The following APLP2 variants were observed in gnomAD, a reference collection of about 807,000 sequenced individuals.
APLP2 encodes CDEI box-binding protein.
A neutral mutation model predicts 89.9 loss-of-function variants in APLP2; 53 were observed. The ratio of observed to expected loss-of-function variants is 0.59; its 90% CI spans 0.47 to 0.74. The LOEUF is 0.74. APLP2 is among the 30% of genes least tolerant of loss of function. APLP2 has a pLI of 0.00. For missense variants in APLP2, 973 were observed against 975.9 expected (o/e 1.00, Z 0.04); for synonymous variants, 372 against 348.6 (o/e 1.07, Z -0.75).
At position 130,141,865 on chromosome 11, in the gene APLP2, C is replaced by CA; in HGVS notation, c.1999-53dup. 2.6e-6 allele frequency: 4 copies of CA among 1,560,050 alleles called. No individual in the cohort carries two copies. Among genetic ancestry groups the CA allele is most frequent in the Non-Finnish European group, 3.5e-6 (4 of 1,145,852 alleles). On this transcript the variant is annotated intron_variant, in intron 15 of 16. Transcript: ENST00000338167. The surrounding 1 kb of genome is among the most constrained non-coding windows in gnomAD (Gnocchi z 4.2). ...GTGGCCCTCAGTGAGTTACTTGCCT[C>CA]ACGGCTGCCAGATGGTCACTGGGAC...
At chr11:130,110,405 A>G (rs2135800551) in intron 2 of APLP2, 133 bp from the exon 3 acceptor site, 1 of 1,084,164 alleles carries the variant, frequency 9.2e-7, no homozygotes, top group Non-Finnish European at 1.3e-6. Flanking sequence ...AGAGCCAGGG[A>G]TAATGGAGTG....
At chr11:130,075,254 A>G (rs986695276) in intron 1 of APLP2, among the ~76,000 whole-genome samples, 1 of 152,188 alleles carries the variant, frequency 6.6e-6, no homozygotes, top group African/African-American at 2.4e-5. Flanking sequence ...GGCTCAAGTG[A>G]TCCTCCTGCC....
At chr11:130,109,027 C>T (rs982317464) in intron 1 of APLP2, 2 of 151,990 alleles carry the variant, frequency 1.3e-5, no homozygotes, top group Non-Finnish European at 2.9e-5. Flanking sequence ...GGGTGGGGAA[C>T]ATCACACACT....
rs1172734431 is a variant in APLP2, at chr11:130,141,528, A to G, written c.1954A>G (p.Met652Val). The G allele has an allele frequency of 1.2e-6, 2 of 1,613,930 alleles. No homozygotes were observed. Among genetic ancestry groups the G allele is most frequent in the Non-Finnish European group, 8.5e-7 (1 of 1,180,030 alleles). ...TGACGAGACTCTGGATGTTAAGGAA[A>G]TGATTTTCAATGCCGAGAGAGTTGG... Reference protein sequence around the residue: ...VIDETLDVKEMIFNAERVGGL... With the variant: ...VIDETLDVKEVIFNAERVGGL... Residue 652 changes from methionine to valine, a missense_variant, in exon 15 of 17, where the codon ATG becomes GTG. Met to Val is a conservative substitution (Grantham distance 21). Coordinates refer to ENST00000338167, the MANE Select transcript of APLP2 (RefSeq NM_001142276.2). The surrounding 1 kb of genome is among the most constrained non-coding windows in gnomAD (Gnocchi z 4.2).
intron 3 of APLP2, among the ~76,000 whole-genome samples, chr11:130,117,952 C>A (rs531937105): frequency 1.1e-3 from 163 of 152,094 alleles, no homozygotes; most frequent in Middle Eastern, 3.4e-3. Context: ...TGGCACGTGC[C>A]TGTAGTCCCA....
intron 1 of APLP2, among the ~76,000 whole-genome samples, chr11:130,106,978 C>T (rs369862355): frequency 4.1e-4 from 63 of 152,318 alleles, no homozygotes; most frequent in East Asian, 9.6e-4. Flanking sequence ...TGAGCCACCG[C>T]GCCCGGCCCA....
At chr11:130,126,587 A>G in intron 7 of APLP2, 113 bp from the exon 8 acceptor site, 1 of 1,275,266 alleles carries the variant, frequency 7.8e-7, no homozygotes. Flanking sequence ...CCCTGCACTT[A>G]GAGAATGCCA....
chr11:130,097,318 C>A (rs940982046), intron 1 of APLP2, among the ~76,000 whole-genome samples: 2 of 152,144 alleles, frequency 1.3e-5, no homozygotes, highest in African/African-American at 4.8e-5. Context: ...ATCATTTTGG[C>A]AAATTGTCAG....
chr11:130,122,975 A>G (rs1476032102), intron 6 of APLP2, among the ~76,000 whole-genome samples: 2 of 150,232 alleles, frequency 1.3e-5, no homozygotes, highest in East Asian at 3.9e-4. Flanking sequence ...CCTGCTGGTA[A>G]CAGATTGGGG....
chr11:130,137,230 T>A, intron 13 of APLP2: 3 of 1,611,232 alleles, frequency 1.9e-6, no homozygotes, highest in Non-Finnish European at 2.5e-6. Context: ...TTTTATTTTG[T>A]TTTTTATTGT....
Position 130,109,480 on chromosome 11 carries a change from G to C in APLP2, c.157G>C (p.Ala53Pro). 6.2e-7 allele frequency: 1 copy of C among 1,613,472 alleles called. No individual in the cohort carries two copies. The highest frequency in any genetic ancestry group is 8.5e-7 in the Non-Finnish European group (1 of 1,179,734). ...ATTTGCTGTTGCTGAGCCTCAAATC[G>C]CAATGTTTTGTGGGAAGTTAAATAT... ...TGFAVAEPQIAMFCGKLNMHV... is the reference protein window; with the variant it reads ...TGFAVAEPQIPMFCGKLNMHV... The change falls in exon 2 of 17, where the codon GCA becomes CCA. Residue 53 changes from alanine (A) to proline (P), a missense_variant. Ala to Pro is a conservative substitution (Grantham distance 27). Transcript: ENST00000338167.
intron 3 of APLP2, among the ~76,000 whole-genome samples, chr11:130,112,014 G>T (rs1400538448): frequency 6.6e-6 from 1 of 152,150 alleles, no homozygotes; most frequent in Non-Finnish European, 1.5e-5. Flanking sequence ...AGTGGGACCT[G>T]GGAGACTCTT....
At position 130,070,035 on chromosome 11, in the gene APLP2, CTGGTGG is replaced by C. The variant is rs1400668045; in HGVS notation, c.59_64del (p.Leu20_Gly22delinsArg). 4 of 1,513,848 alleles carry C rather than the reference CTGGTGG, an allele frequency of 2.6e-6. No homozygotes were observed. Among genetic ancestry groups the C allele is most frequent in the Non-Finnish European group, 3.5e-6 (4 of 1,138,818 alleles). The allele number at this position is 1,513,848 out of a possible 1,614,324, so 93.8% of individuals were successfully genotyped here. A position where few individuals can be genotyped will look rare whatever the true frequency, so the allele number is the denominator to read the frequency against. ...CACGGGCAGGCTCCTGCTTCTGCTG[CTGGTGG>C]GGCTCACGGCGCCTGCCTTGGCGCT... On this transcript the variant is annotated inframe_deletion, in exon 1 of 17. Coordinates refer to ENST00000338167, the MANE Select transcript of APLP2 (RefSeq NM_001142276.2).
chr11:130,081,560 T>C (rs1943155772), intron 1 of APLP2, among the ~76,000 whole-genome samples: 1 of 152,214 alleles, frequency 6.6e-6, no homozygotes, highest in African/African-American at 2.4e-5. Flanking sequence ...AAATGCTCAG[T>C]GGGTTCAATT....
At chr11:130,103,340 T>A (rs1161940432) in intron 1 of APLP2, among the ~76,000 whole-genome samples, 1 of 152,018 alleles carries the variant, frequency 6.6e-6, no homozygotes, top group Non-Finnish European at 1.5e-5. Context: ...AGGATTAATC[T>A]TTCTGAACTC....
chr11:130,132,473 G>A (rs1951034486), intron 11 of APLP2, among the ~76,000 whole-genome samples: 1 of 152,058 alleles, frequency 6.6e-6, no homozygotes, highest in African/African-American at 2.4e-5. Flanking sequence ...AACCAGGCGG[G>A]GATGACTTAG....
intron 1 of APLP2, among the ~76,000 whole-genome samples, chr11:130,083,875 C>G (rs942067955): frequency 2.0e-5 from 3 of 152,048 alleles, no homozygotes; most frequent in African/African-American, 7.2e-5. Flanking sequence ...TATGATAATT[C>G]TACTTTTAAT....
At position 130,123,402 on chromosome 11, in the gene APLP2, A is replaced by G. The variant is rs1184241990; in HGVS notation, c.923-210A>G. Among the ~76,000 whole-genome samples the G allele has an allele frequency of 2.0e-5, 3 of 152,226 alleles. No individual in the cohort carries two copies. Among genetic ancestry groups the G allele is most frequent in the South Asian group, 4.1e-4 (2 of 4,834 alleles). On this transcript the variant is annotated intron_variant, in intron 6 of 16. Coordinates refer to ENST00000338167, the MANE Select transcript of APLP2 (RefSeq NM_001142276.2). The surrounding 1 kb of genome is among the most constrained non-coding windows in gnomAD (Gnocchi z 4.0). Reference sequence around the variant, plus strand: ...TCCAGAGGGTGCCAAAAAAATATTTATCCCAGTTCCTAAATGTCTCTACTC... The same window carrying G: ...TCCAGAGGGTGCCAAAAAAATATTTGTCCCAGTTCCTAAATGTCTCTACTC...
intron 3 of APLP2, among the ~76,000 whole-genome samples, chr11:130,119,285 C>T (rs1949554878): frequency 6.6e-6 from 1 of 152,262 alleles, no homozygotes; most frequent in South Asian, 2.1e-4. Flanking sequence ...CTCTCTTCCT[C>T]TCCCTCTACA....
Sources: allele counts gnomAD v4.1 joint callset (sites outside exome capture counted in the v4.1 genomes callset), GRCh38; gene constraint gnomAD v4.1.1; non-coding constraint Gnocchi (gnomAD v3.1); transcripts MANE v1.5; gene names NCBI Gene and HGNC (gene_info 2026-07-23, HGNC 2026-07-21).